SCHIP1: variants seen among roughly 807,000 people sequenced by gnomAD.
The protein encoded by SCHIP1 is schwannomin-interacting protein 1.
Under a neutral mutation model 29.7 loss-of-function variants are expected in SCHIP1, and 8 were observed. The ratio of observed to expected loss-of-function variants is 0.27; its 90% CI spans 0.16 to 0.49. The LOEUF (loss-of-function observed/expected upper bound fraction) is 0.49, where lower values mean the gene tolerates loss of function less well. SCHIP1 is among the 20% of genes least tolerant of loss of function. SCHIP1 has a pLI of 0.99. For synonymous variants in SCHIP1, 76 were observed against 94.9 expected, an observed-to-expected ratio of 0.80 and a Z score of 1.16; for missense variants, 193 against 294.6, an observed-to-expected ratio of 0.66 and a Z score of 2.52.
At chr3:159,447,685 C>T in the SCHIP1 span, among the ~76,000 whole-genome samples, 1 of 152,136 alleles carries the variant, frequency 6.6e-6, no homozygotes, top group Admixed American at 6.6e-5. Context: ...GATTCTTCTC[C>T]CACCCTGCTT....
At chr3:159,725,315 G>C in the SCHIP1 span, among the ~76,000 whole-genome samples, 1 of 149,182 alleles carries the variant, frequency 6.7e-6, no homozygotes, top group East Asian at 2.0e-4. Flanking sequence ...TGTCACCTAG[G>C]TTGGAGTGCA....
At chr3:159,637,740 TC>T in the SCHIP1 span, among the ~76,000 whole-genome samples, 19 of 152,320 alleles carry the variant, frequency 1.2e-4, no homozygotes, top group African/African-American at 4.3e-4. Flanking sequence ...TGCATTATAT[TC>T]TTTGTTGCTT....
At chr3:159,418,208 C>T in the SCHIP1 span, among the ~76,000 whole-genome samples, 1 of 152,142 alleles carries the variant, frequency 6.6e-6, no homozygotes, top group Non-Finnish European at 1.5e-5. Flanking sequence ...TGTGTAAGTA[C>T]TGTAAGTGCT....
At chr3:159,619,930 A>G in the SCHIP1 span, among the ~76,000 whole-genome samples, 1 of 152,250 alleles carries the variant, frequency 6.6e-6, no homozygotes. Context: ...TATATAAAGC[A>G]GTTCTTTACC....
At chr3:159,383,588 C>A in the SCHIP1 span, among the ~76,000 whole-genome samples, 3 of 145,822 alleles carry the variant, frequency 2.1e-5, no homozygotes, top group South Asian at 4.5e-4. Flanking sequence ...CTTGGCAATG[C>A]GGGCTCTTTT....
At chr3:159,411,710 G>T in the SCHIP1 span, among the ~76,000 whole-genome samples, 3 of 152,086 alleles carry the variant, frequency 2.0e-5, no homozygotes, top group Admixed American at 6.5e-5. Flanking sequence ...CCATTATCTG[G>T]ACTTTCATAG....
chr3:159,424,721 G>T, the SCHIP1 span, among the ~76,000 whole-genome samples: 1 of 152,092 alleles, frequency 6.6e-6, no homozygotes, highest in African/African-American at 2.4e-5. Context: ...AGAAGAGCAA[G>T]TCCAAGACAC....
At chr3:159,511,694 G>A in the SCHIP1 span, among the ~76,000 whole-genome samples, 3 of 152,258 alleles carry the variant, frequency 2.0e-5, no homozygotes, top group East Asian at 1.9e-4. Context: ...AAATCCCAAC[G>A]CAGAAGTATG....
In SCHIP1 at chr3:159,861,573, G is replaced by A. The variant is rs760694125; in HGVS notation, c.31-4590G>A. ...GCTCAGGCACAGCGGGTGGCAGTAGGGAATTTAGCAACAGATGAGGACAAA... is the reference window on the plus strand; with the variant it reads ...GCTCAGGCACAGCGGGTGGCAGTAGAGAATTTAGCAACAGATGAGGACAAA... On this transcript the variant is annotated intron_variant, in intron 1 of 6. Transcript: ENST00000445224. This position sits in a 1 kb window ranked among gnomAD's most constrained non-coding sequence, Gnocchi z 4.1. 3.3e-5 allele frequency among the ~76,000 whole-genome samples: 5 copies of A among 152,154 alleles called. No homozygotes were observed. Among genetic ancestry groups the A allele is most frequent in the African/African-American group, 4.8e-5 (2 of 41,428 alleles).
chr3:159,593,085 A>G, the SCHIP1 span, among the ~76,000 whole-genome samples: 4 of 152,176 alleles, frequency 2.6e-5, no homozygotes, highest in Admixed American at 2.6e-4. Flanking sequence ...CTGCAGGATG[A>G]GAGTAGAAAT....
the SCHIP1 span, among the ~76,000 whole-genome samples, chr3:159,512,691 T>C: frequency 6.6e-6 from 1 of 152,214 alleles, no homozygotes; most frequent in African/African-American, 2.4e-5. Flanking sequence ...CATTTATCAT[T>C]TGAGTGACAA....
chr3:159,598,102 G>T, the SCHIP1 span, among the ~76,000 whole-genome samples: 1 of 152,128 alleles, frequency 6.6e-6, no homozygotes, highest in Non-Finnish European at 1.5e-5. Flanking sequence ...CTCCCACAAG[G>T]TCCCTTCCTC....
the SCHIP1 span, among the ~76,000 whole-genome samples, chr3:159,325,711 AG>A: frequency 6.6e-6 from 1 of 152,148 alleles, no homozygotes; most frequent in East Asian, 1.9e-4. Flanking sequence ...TTACTCTAAA[AG>A]CACCTGGATC....
chr3:159,449,421 T>C, the SCHIP1 span, among the ~76,000 whole-genome samples: 11 of 152,196 alleles, frequency 7.2e-5, no homozygotes, highest in South Asian at 1.7e-3. Context: ...TTAAAGACAA[T>C]AGTGATTTAA....
the SCHIP1 span, among the ~76,000 whole-genome samples, chr3:159,366,427 G>A: frequency 5.3e-5 from 8 of 152,260 alleles, no homozygotes; most frequent in Middle Eastern, 3.4e-3. Context: ...AAGAACTTGG[G>A]CACTGAATTC....
the SCHIP1 span, among the ~76,000 whole-genome samples, chr3:159,411,143 G>T: frequency 6.5e-3 from 982 of 152,140 alleles, 14 homozygotes; most frequent in African/African-American, 0.022. Context: ...GTATTGTGGT[G>T]GGGGAGGGGG....
the SCHIP1 span, among the ~76,000 whole-genome samples, chr3:159,661,789 G>A: frequency 0.064 from 9,782 of 152,112 alleles, 1,004 homozygotes; most frequent in African/African-American, 0.22. Flanking sequence ...AAGGAGGCTG[G>A]GGAAAATTAA....
At chr3:159,459,410 A>C in the SCHIP1 span, among the ~76,000 whole-genome samples, 1 of 152,180 alleles carries the variant, frequency 6.6e-6, no homozygotes, top group Non-Finnish European at 1.5e-5. Context: ...GCCTTTATTC[A>C]TTTGACAAAT....
chr3:159,735,863 G>A, the SCHIP1 span, among the ~76,000 whole-genome samples: 2 of 152,288 alleles, frequency 1.3e-5, no homozygotes, highest in African/African-American at 2.4e-5. Context: ...GTCAGGAGAC[G>A]TGTTGAGAGT....
Sources: allele counts gnomAD v4.1 joint callset (sites outside exome capture counted in the v4.1 genomes callset), GRCh38; gene constraint gnomAD v4.1.1; non-coding constraint Gnocchi (gnomAD v3.1); transcripts MANE v1.5; gene names NCBI Gene and HGNC (gene_info 2026-07-23, HGNC 2026-07-21).